The following JMJD1C variants were observed in gnomAD, a reference collection of about 807,000 sequenced individuals.
JMJD1C encodes jumonji domain-containing protein 1C.
JMJD1C carries 31 observed loss-of-function variants against 245.3 expected under a neutral mutation model. That is an observed-to-expected ratio of 0.13 (90% CI 0.09 to 0.17). The LOEUF (loss-of-function observed/expected upper bound fraction) is 0.17. JMJD1C is among the 10% of genes least tolerant of loss of function. JMJD1C has a pLI of 1.00. For synonymous variants in JMJD1C, 1,057 were observed against 1,017.4 expected (o/e 1.04, Z -0.74); for missense variants, 2,691 against 3,000.2 (o/e 0.90, Z 2.41).
At chr10:63,294,208 C>T (rs373823659) in intron 2 of JMJD1C, among the ~76,000 whole-genome samples, 83 of 152,114 alleles carry the variant, frequency 5.5e-4, no homozygotes, top group African/African-American at 1.9e-3. Flanking sequence ...CATCCTTAAA[C>T]GTCCTCTGTT....
At chr10:63,422,362 C>T (rs558335039) in intron 1 of JMJD1C, among the ~76,000 whole-genome samples, 41 of 152,146 alleles carry the variant, frequency 2.7e-4, no homozygotes, top group African/African-American at 9.4e-4. Flanking sequence ...AGTGAGCCAA[C>T]TGCACTCCAG....
At chr10:63,297,099 T>A (rs1859520494) in intron 2 of JMJD1C, among the ~76,000 whole-genome samples, 1 of 152,064 alleles carries the variant, frequency 6.6e-6, no homozygotes, top group Non-Finnish European at 1.5e-5. Flanking sequence ...GTATATGCAG[T>A]TTAGTTGTGT....
chr10:63,196,766 T>TG (rs377088916), intron 13 of JMJD1C, among the ~76,000 whole-genome samples: 80 of 152,242 alleles, frequency 5.3e-4, no homozygotes, highest in African/African-American at 1.9e-3. Flanking sequence ...AAAATTGCCT[T>TG]GGATAATCTT....
chr10:63,351,903 AGTCC>A (rs745953481), intron 2 of JMJD1C, among the ~76,000 whole-genome samples: 17 of 152,214 alleles, frequency 1.1e-4, no homozygotes, highest in Non-Finnish European at 2.2e-4. Flanking sequence ...AATTTAATGT[AGTCC>A]AAGGCCATCA....
chr10:63,353,783 G>A (rs1168912854), intron 2 of JMJD1C, among the ~76,000 whole-genome samples: 1 of 151,896 alleles, frequency 6.6e-6, no homozygotes, highest in Non-Finnish European at 1.5e-5. Flanking sequence ...TGGGATTACA[G>A]GTGTGAGCCA....
chr10:63,472,927 G>A (rs968399876), intron 1 of JMJD1C, among the ~76,000 whole-genome samples: 15 of 152,192 alleles, frequency 9.9e-5, no homozygotes, highest in African/African-American at 3.4e-4. Flanking sequence ...TGGGACTACA[G>A]GCGAGCGCCA....
chr10:63,424,920 T>A, intron 1 of JMJD1C, among the ~76,000 whole-genome samples: 1 of 151,984 alleles, frequency 6.6e-6, no homozygotes, highest in Non-Finnish European at 1.5e-5. Flanking sequence ...ATGAGTAAGT[T>A]AGAAATCCTC....
chr10:63,438,758 T>G lies in JMJD1C; in HGVS notation c.168+26737A>C, dbSNP rs140206457. On this transcript the variant is annotated intron_variant, in intron 1 of 25. Transcript: ENST00000399262. ...TTAGGCCTGGTACTTACTCCAGACA[T>G]CTACGTGACTAGCTTCCTTGTTTCC... Among the ~76,000 whole-genome samples, 5 of 152,294 alleles carry G rather than the reference T, an allele frequency of 3.3e-5. No individual in the cohort carries two copies. The East Asian group carries it at 9.7e-4, about 29-fold the overall frequency.
chr10:63,407,831 A>G (rs1226030831), intron 1 of JMJD1C, among the ~76,000 whole-genome samples: 1 of 150,790 alleles, frequency 6.6e-6, no homozygotes, highest in African/African-American at 2.4e-5. Context: ...AAAAAAAAAA[A>G]CAGAAAAAAA....
chr10:63,202,208 C>G (rs759914268), intron 10 of JMJD1C: 3 of 718,030 alleles, frequency 4.2e-6, no homozygotes, highest in Non-Finnish European at 5.1e-6. Flanking sequence ...GGGGTGAGAT[C>G]GTGCCACTGG....
chr10:63,432,422 A>C (rs1428970115), intron 1 of JMJD1C, among the ~76,000 whole-genome samples: 1 of 108,492 alleles, frequency 9.2e-6, no homozygotes, highest in Non-Finnish European at 1.9e-5. Context: ...TCATCCACCA[A>C]GCAAATGAAC....
chr10:63,237,125 C>T (rs532055033), intron 3 of JMJD1C, among the ~76,000 whole-genome samples: 138 of 152,252 alleles, frequency 9.1e-4, no homozygotes, highest in African/African-American at 3.1e-3. Context: ...GCAACCTCCG[C>T]TTCCCAGGTT....
intron 2 of JMJD1C, among the ~76,000 whole-genome samples, chr10:63,355,267 A>AT (rs1944736535): frequency 6.6e-6 from 1 of 152,200 alleles, no homozygotes; most frequent in South Asian, 2.1e-4. Context: ...GATGTTATGC[A>AT]AAGGTCACAT....
At chr10:63,382,150 G>A (rs149964190) in intron 1 of JMJD1C, among the ~76,000 whole-genome samples, 21 of 152,272 alleles carry the variant, frequency 1.4e-4, no homozygotes, top group African/African-American at 4.6e-4. Flanking sequence ...GGCGGAGGTT[G>A]CAGTGAGCCA....
At chr10:63,277,893 C>T (rs570980925) in intron 2 of JMJD1C, among the ~76,000 whole-genome samples, 2 of 151,662 alleles carry the variant, frequency 1.3e-5, no homozygotes, top group East Asian at 1.9e-4. Flanking sequence ...TGCGCCACCA[C>T]GCCTGTCTAA....
chr10:63,275,708 CAAGT>C lies in JMJD1C; in HGVS notation c.334-10948_334-10945del, dbSNP rs143889788. On this transcript the variant is annotated intron_variant, in intron 2 of 25. Transcript: ENST00000399262. ...TTGTTTCCAAAAATAGTTTTCTTAA[CAAGT>C]AACATAATTATATTTGAGAAAATTT... 3.0e-4 allele frequency among the ~76,000 whole-genome samples: 45 copies of C among 152,054 alleles called. 3 individuals carry two copies. The East Asian group carries it at 8.1e-3, about 27-fold the overall frequency.
chr10:63,516,416 A>T (rs1955021110), intron 1 of JMJD1C, among the ~76,000 whole-genome samples: 2 of 152,232 alleles, frequency 1.3e-5, no homozygotes. Flanking sequence ...ACATGATGTC[A>T]TTATCAAATA....
At position 63,184,861 on chromosome 10, in the gene JMJD1C, T is replaced by A. The variant is rs1474307671; in HGVS notation, c.6831-123A>T. On this transcript the variant is annotated intron_variant, in intron 20 of 25. Transcript: ENST00000399262. ...CTTTCCATAAGACAGGTAACAATTT[T>A]CCTTGACTCAAGTGATACTGACTAA... 5.7e-6 allele frequency: 5 copies of A among 876,786 alleles called. No homozygotes were observed. In the African/African-American group the frequency reaches 8.5e-5, roughly 15 times the overall value. The allele number at this position is 876,786 out of a possible 1,614,324, so 54.3% of individuals were successfully genotyped here.
At chr10:63,318,553 C>T (rs1300370356) in intron 2 of JMJD1C, among the ~76,000 whole-genome samples, 1 of 152,058 alleles carries the variant, frequency 6.6e-6, no homozygotes, top group Non-Finnish European at 1.5e-5. Flanking sequence ...GTTGTTTGCT[C>T]CTTTAAATAT....
Sources: allele counts gnomAD v4.1 joint callset (sites outside exome capture counted in the v4.1 genomes callset), GRCh38; gene constraint gnomAD v4.1.1; transcripts MANE v1.5; gene names NCBI Gene and HGNC (gene_info 2026-07-23, HGNC 2026-07-21).